Variants in FOXJ1 observed in about 807,000 individuals in gnomAD.
The protein encoded by FOXJ1 is forkhead box J1, also known as forkhead box protein J1.
A neutral mutation model predicts 29.3 loss-of-function variants in FOXJ1; 8 were observed. The ratio of observed to expected loss-of-function variants is 0.27; its 90% confidence interval spans 0.16 to 0.49. The LOEUF (loss-of-function observed/expected upper bound fraction) is 0.49, where lower values mean the gene tolerates loss of function less well. Ranked by LOEUF, FOXJ1 falls within the 20% of genes least tolerant of loss-of-function variation. The probability of loss-of-function intolerance (pLI) is 0.98; values close to 1 mark genes in which losing one functional copy is unlikely to be tolerated. For missense variants in FOXJ1, 539 were observed against 595.5 expected (o/e 0.91, Z 0.99); for synonymous variants, 280 against 278.7 (o/e 1.00, Z -0.05).
In FOXJ1 at chr17:76,137,546, G is replaced by A. The variant is rs761785819; in HGVS notation, c.1073C>T (p.Thr358Ile). ...AGCCTGCTCCACCGAAGGCCCCCAG[G>A]TGGCAGGGCAGTCGATGTGGCGGCC... ...IHGRHIDCPA[T>I]WGPSVEQAAD... The change falls in exon 3 of 3, where the codon ACC (threonine) becomes ATC (isoleucine). Residue 358 changes from threonine to isoleucine, a missense_variant. Physicochemically the swap from Thr to Ile is moderately conservative, Grantham distance 89. Transcript: ENST00000322957. This position sits in a 1 kb window ranked among gnomAD's most constrained non-coding sequence, Gnocchi z 9.5. The A allele has an allele frequency of 2.5e-6, 4 of 1,599,284 alleles. No homozygotes were observed. The highest frequency in any genetic ancestry group is 3.4e-6 in the Non-Finnish European group (4 of 1,173,098).
intron 2 of FOXJ1, among the ~76,000 whole-genome samples, chr17:76,138,591 C>A (rs1868823): frequency 0.29 from 43,310 of 151,480 alleles, 6,458 homozygotes; most frequent in African/African-American, 0.36. Flanking sequence ...AGAGAGAGAG[C>A]GCGCAGGGAT....
rs1391481941 is a variant in FOXJ1 at position 76,139,966 on chromosome 17, G to A, written c.430C>T (p.Leu144=). ...MQASKATKIT[L]SAIYKWITDN... ...GTGATCCACTTGTAGATGGCCGACA[G>A]GGTGATCTTGGTGGCCTTGCTGGCC... The change falls in exon 2 of 3, where the codon CTG becomes TTG. Residue 144 remains leucine (L), a synonymous_variant. Coordinates refer to ENST00000322957, the MANE Select transcript of FOXJ1 (RefSeq NM_001454.4). The surrounding 1 kb of genome is among the most constrained non-coding windows in gnomAD (Gnocchi z 6.6). 3 of 1,613,566 alleles carry A rather than the reference G, an allele frequency of 1.9e-6. No homozygotes were observed. Among genetic ancestry groups the A allele is most frequent in the African/African-American group, 2.7e-5 (2 of 74,932 alleles).
rs2068485842 is a variant in FOXJ1, at chr17:76,137,386, C to A, written c.1233G>T (p.Leu411=). 2.6e-6 allele frequency: 4 copies of A among 1,520,372 alleles called. No homozygotes were observed. The highest frequency in any genetic ancestry group is 1.4e-5 in the African/African-American group (1 of 72,708). 94.2% of individuals were successfully genotyped at this position (1,520,372 alleles called of 1,614,324 possible). The change falls in exon 3 of 3, where the codon CTG becomes CTT. Residue 411 remains leucine (L), a synonymous_variant. Coordinates refer to ENST00000322957, the MANE Select transcript of FOXJ1 (RefSeq NM_001454.4). The surrounding 1 kb of genome is among the most constrained non-coding windows in gnomAD (Gnocchi z 9.5). ...AGGCCCCCACGCTGGCCCAGTCCTG[C>A]AGGTCGGAGGCCAGGGTGGCATCCC... is the stretch of plus-strand genomic sequence containing the variant. ...EAGDATLASD[L]QDWASVGAFL
At chr17:76,138,595 C>A (rs2068495571) in intron 2 of FOXJ1, among the ~76,000 whole-genome samples, 1 of 151,958 alleles carries the variant, frequency 6.6e-6, no homozygotes, top group African/African-American at 2.4e-5. Flanking sequence ...AGAGAGCGCG[C>A]AGGGATGAGA....
chr17:76,137,546 G>T lies in FOXJ1; in HGVS notation c.1073C>A (p.Thr358Asn). ...AGCCTGCTCCACCGAAGGCCCCCAG[G>T]TGGCAGGGCAGTCGATGTGGCGGCC... ...IHGRHIDCPA[T>N]WGPSVEQAAD... Residue 358 changes from threonine (T) to asparagine (N), a missense_variant, in exon 3 of 3, where the codon ACC becomes AAC. Around this residue, in one of 3 missense-constraint regions of FOXJ1, gnomAD observed 302 missense variants for 293.6 expected, o/e 1.03. Transcript: ENST00000322957. The surrounding 1 kb of genome is among the most constrained non-coding windows in gnomAD (Gnocchi z 9.5). 3.1e-6 allele frequency: 5 copies of T among 1,599,284 alleles called. No individual in the cohort carries two copies. The highest frequency in any genetic ancestry group is 4.3e-6 in the Non-Finnish European group (5 of 1,173,098).
Position 76,137,829 on chromosome 17 carries a change from C to T in FOXJ1, c.790G>A (p.Gly264Ser). Residue 264 changes from glycine (G) to serine (S), a missense_variant, in exon 3 of 3, where the codon GGT (glycine) becomes AGT (serine). Gly to Ser is a moderately conservative substitution (Grantham distance 56). This residue lies in a region of FOXJ1 where 302 missense variants were observed against 293.6 expected (regional missense o/e 1.03). Coordinates refer to ENST00000322957, the MANE Select transcript of FOXJ1 (RefSeq NM_001454.4). This position sits in a 1 kb window ranked among gnomAD's most constrained non-coding sequence, Gnocchi z 9.5. ...TGCCCCAGCCTGCCCTCGCCTGCAC[C>T]CCAGCCCGCCTCCCCGGTGGCCTCC... is the stretch of plus-strand genomic sequence containing the variant. The part of the protein sequence containing the change: ...FEEATGEAGW[G>S]AGEGRLGHKR... The T allele has an allele frequency of 1.3e-6, 2 of 1,595,078 alleles. No homozygotes were observed. The highest frequency in any genetic ancestry group is 1.7e-6 in the Non-Finnish European group (2 of 1,171,330).
Position 76,140,250 on chromosome 17 carries a change from G to A in FOXJ1, c.146C>T (p.Ala49Val). The change falls in exon 2 of 3, where the codon GCC (alanine) becomes GTC (valine). Residue 49 changes from alanine to valine, a missense_variant. By Grantham distance (64) the Ala-to-Val change is moderately conservative (BLOSUM62 0). Coordinates refer to ENST00000322957, the MANE Select transcript of FOXJ1 (RefSeq NM_001454.4). This position sits in a 1 kb window ranked among gnomAD's most constrained non-coding sequence, Gnocchi z 8.0. ...GGTGCCCCCCGGGGGCAGGGCGGGG[G>A]CCTTGGCGTTGAGAATGGAGAATTC... ...LQEFSILNAK[A>V]PALPPGGTDP... 5 of 1,468,492 alleles carry A rather than the reference G, an allele frequency of 3.4e-6. No individual in the cohort carries two copies. In the South Asian group the frequency reaches 7.4e-5, roughly 22 times the overall value. 91.0% of individuals were successfully genotyped at this position (1,468,492 alleles called of 1,614,324 possible). A position where few individuals can be genotyped will look rare whatever the true frequency, so the allele number is the denominator to read the frequency against.
chr17:76,137,079 C>T lies in FOXJ1; in HGVS notation c.*274G>A. Reference sequence around the variant, plus strand: ...TGGTGCAGGGTCCTTTAGCCGGTTTCTGGGGCTGGGAAGACGCGGAGCAAT... The same window carrying T: ...TGGTGCAGGGTCCTTTAGCCGGTTTTTGGGGCTGGGAAGACGCGGAGCAAT... On this transcript the variant is annotated 3_prime_UTR_variant, in exon 3 of 3. Transcript: ENST00000322957. The surrounding 1 kb of genome is among the most constrained non-coding windows in gnomAD (Gnocchi z 9.5). The T allele has an allele frequency of 2.8e-6, 1 of 353,374 alleles. No homozygotes were observed. The highest frequency in any genetic ancestry group is 4.4e-5 in the East Asian group (1 of 22,864). The allele number at this position is 353,374 out of a possible 1,614,324, so 21.9% of individuals were successfully genotyped here.
Position 76,137,293 on chromosome 17 carries a change from G to T in FOXJ1, c.*60C>A. The T allele has an allele frequency of 7.3e-7, 1 of 1,369,146 alleles. No homozygotes were observed. Among genetic ancestry groups the T allele is most frequent in the Non-Finnish European group, 9.5e-7 (1 of 1,048,520 alleles). The allele number at this position is 1,369,146 out of a possible 1,614,324, so 84.8% of individuals were successfully genotyped here. A position where few individuals can be genotyped will look rare whatever the true frequency, so the allele number is the denominator to read the frequency against. ...GGTGGGGTGTCTGTGGACCTGTGTT[G>T]GGGGGCAGTTCTGGACCCTGACTTG... is the stretch of plus-strand genomic sequence containing the variant. On this transcript the variant is annotated 3_prime_UTR_variant, in exon 3 of 3. Coordinates refer to ENST00000322957, the MANE Select transcript of FOXJ1 (RefSeq NM_001454.4). The surrounding 1 kb of genome is among the most constrained non-coding windows in gnomAD (Gnocchi z 9.5).
At position 76,137,899 on chromosome 17, in the gene FOXJ1, C is replaced by A. The variant is rs563742776; in HGVS notation, c.720G>T (p.Pro240=). 2.0e-5 allele frequency: 32 copies of A among 1,563,154 alleles called. No individual in the cohort carries two copies. The Admixed American group carries it at 5.2e-4, about 26-fold the overall frequency. ...QEPSAVPRAG[P]LTVNTEAQQL... is the part of the protein sequence containing the mutation. ...GCTGGGCCTCGGTATTCACCGTCAG[C>A]GGCCCGGCCCGGGGGACAGCGCTGG... The change falls in exon 3 of 3, where the codon CCG becomes CCT. Residue 240 remains proline, a synonymous_variant. Coordinates refer to ENST00000322957, the MANE Select transcript of FOXJ1 (RefSeq NM_001454.4). This position sits in a 1 kb window ranked among gnomAD's most constrained non-coding sequence, Gnocchi z 9.5.
rs1403877344 is a variant in FOXJ1, at chr17:76,140,794, C to A, written c.-169-230G>T. The A allele has an allele frequency of 5.7e-6, 1 of 175,830 alleles. No individual in the cohort carries two copies. The highest frequency in any genetic ancestry group is 1.2e-5 in the Non-Finnish European group (1 of 84,180). 10.9% of individuals were successfully genotyped at this position (175,830 alleles called of 1,614,324 possible). On this transcript the variant is annotated intron_variant, in intron 1 of 2. Coordinates refer to ENST00000322957, the MANE Select transcript of FOXJ1 (RefSeq NM_001454.4). The surrounding 1 kb of genome is among the most constrained non-coding windows in gnomAD (Gnocchi z 8.0). ...ATGAAGAGGGTAGGGGCATCCGAGG[C>A]TATCCTTTTCTCCCGAAGAGCAGGA...
At position 76,140,687 on chromosome 17, in the gene FOXJ1, G is replaced by A; in HGVS notation, c.-169-123C>T. 2.6e-6 allele frequency: 1 copy of A among 386,780 alleles called. No individual in the cohort carries two copies. The highest frequency in any genetic ancestry group is 4.7e-5 in the Admixed American group (1 of 21,160). The allele number at this position is 386,780 out of a possible 1,614,324, so 24.0% of individuals were successfully genotyped here. On this transcript the variant is annotated intron_variant, in intron 1 of 2. Coordinates refer to ENST00000322957, the MANE Select transcript of FOXJ1 (RefSeq NM_001454.4). This position sits in a 1 kb window ranked among gnomAD's most constrained non-coding sequence, Gnocchi z 8.0. ...AGGATCTTTTAGTGCCGAGGTATGG[G>A]AAACAGAAGCAAGGCCCTGGGGTCC...
rs1410640073 is a variant in FOXJ1 at position 76,140,324 on chromosome 17, C to T, written c.72G>A (p.Glu24=). The change falls in exon 2 of 3, where the codon GAG becomes GAA. Residue 24 remains glutamate (E), a synonymous_variant. Transcript: ENST00000322957. This position sits in a 1 kb window ranked among gnomAD's most constrained non-coding sequence, Gnocchi z 8.0. ...GGCTGTCATCCAGGGCGTCGGGCTC[C>T]TCCAGGCCGCCCTCCGGCCCGGCCT... The part of the protein sequence containing the change: ...AEEAGPEGGL[E]EPDALDDSLT... 2.0e-6 allele frequency: 3 copies of T among 1,499,586 alleles called. No homozygotes were observed. Among genetic ancestry groups the T allele is most frequent in the African/African-American group, 1.5e-5 (1 of 68,558 alleles). The allele number at this position is 1,499,586 out of a possible 1,614,324, so 92.9% of individuals were successfully genotyped here. A position where few individuals can be genotyped will look rare whatever the true frequency, so the allele number is the denominator to read the frequency against.
chr17:76,140,322 T>C lies in FOXJ1; in HGVS notation c.74A>G (p.Glu25Gly). 6.7e-7 allele frequency: 1 copy of C among 1,494,422 alleles called. No homozygotes were observed. The highest frequency in any genetic ancestry group is 8.8e-7 in the Non-Finnish European group (1 of 1,131,576). The allele number at this position is 1,494,422 out of a possible 1,614,324, so 92.6% of individuals were successfully genotyped here. A position where few individuals can be genotyped will look rare whatever the true frequency, so the allele number is the denominator to read the frequency against. Residue 25 changes from glutamate to glycine, a missense_variant, in exon 2 of 3, where the codon GAG (glutamate) becomes GGG (glycine). By Grantham distance (98) the Glu-to-Gly change is moderately conservative. This residue lies in a region of FOXJ1 where 59 missense variants were observed against 47.5 expected (regional missense o/e 1.24). Coordinates refer to ENST00000322957, the MANE Select transcript of FOXJ1 (RefSeq NM_001454.4). This position sits in a 1 kb window ranked among gnomAD's most constrained non-coding sequence, Gnocchi z 8.0. ...CAGGCTGTCATCCAGGGCGTCGGGC[T>C]CCTCCAGGCCGCCCTCCGGCCCGGC... ...EEAGPEGGLE[E>G]PDALDDSLTS...
In FOXJ1 at chr17:76,137,502, C is replaced by G; in HGVS notation, c.1117G>C (p.Asp373His). The change falls in exon 3 of 3, where the codon GAT becomes CAT. Residue 373 changes from aspartate to histidine, a missense_variant. Around this residue, in one of 3 missense-constraint regions of FOXJ1, gnomAD observed 302 missense variants for 293.6 expected, o/e 1.03. Transcript: ENST00000322957. The surrounding 1 kb of genome is among the most constrained non-coding windows in gnomAD (Gnocchi z 9.5). ...VEQAADSLDF[D>H]ETFLATSFLQ... The stretch of plus-strand genomic sequence containing the variant: ...AAGGATGTGGCCAGGAAGGTCTCAT[C>G]GAAGTCCAGGCTGTCGGCAGCCTGC... 1 of 1,586,122 alleles carries G rather than the reference C, an allele frequency of 6.3e-7. No individual in the cohort carries two copies. Among genetic ancestry groups the G allele is most frequent in the African/African-American group, 1.3e-5 (1 of 74,524 alleles).
chr17:76,137,951 G>C lies in FOXJ1; in HGVS notation c.668C>G (p.Ala223Gly). Residue 223 changes from alanine to glycine, a missense_variant, in exon 3 of 3, where the codon GCC becomes GGC. Physicochemically the swap from Ala to Gly is moderately conservative, Grantham distance 60 (BLOSUM62 0). This residue lies in a region of FOXJ1 where 302 missense variants were observed against 293.6 expected (regional missense o/e 1.03). Coordinates refer to ENST00000322957, the MANE Select transcript of FOXJ1 (RefSeq NM_001454.4). The surrounding 1 kb of genome is among the most constrained non-coding windows in gnomAD (Gnocchi z 9.5). Reference sequence around the variant, plus strand: ...CTCCTGCGCGGCCTGGCGGGCAAAGGCTGGGTGGATGTGGACAGGGGGCAG... The same window carrying C: ...CTCCTGCGCGGCCTGGCGGGCAAAGCCTGGGTGGATGTGGACAGGGGGCAG... ...RRLPPVHIHP[A>G]FARQAAQEPS... 6.3e-7 allele frequency: 1 copy of C among 1,588,068 alleles called. No homozygotes were observed. Among genetic ancestry groups the C allele is most frequent in the Non-Finnish European group, 8.6e-7 (1 of 1,167,246 alleles).
At position 76,137,440 on chromosome 17, in the gene FOXJ1, G is replaced by A; in HGVS notation, c.1179C>T (p.Cys393=). The change falls in exon 3 of 3, where the codon TGC becomes TGT. Residue 393 remains cysteine, a synonymous_variant. Coordinates refer to ENST00000322957, the MANE Select transcript of FOXJ1 (RefSeq NM_001454.4). This position sits in a 1 kb window ranked among gnomAD's most constrained non-coding sequence, Gnocchi z 9.5. ...CCTCAAAGAGGGGCTCCGGGGGCAG[G>A]CAGCCACTGCCGCTCTCGTCCCAGG... ...QHPWDESGSG[C]LPPEPLFEAG... 6.5e-7 allele frequency: 1 copy of A among 1,548,550 alleles called. No individual in the cohort carries two copies. The highest frequency in any genetic ancestry group is 1.4e-5 in the African/African-American group (1 of 73,540).
Position 76,140,348 on chromosome 17 carries a change from C to A in FOXJ1, c.48G>T (p.Glu16Asp). Residue 16 changes from glutamate (E) to aspartate (D), a missense_variant, in exon 2 of 3, where the codon GAG becomes GAT. Physicochemically the swap from Glu to Asp is conservative, Grantham distance 45. Coordinates refer to ENST00000322957, the MANE Select transcript of FOXJ1 (RefSeq NM_001454.4). The surrounding 1 kb of genome is among the most constrained non-coding windows in gnomAD (Gnocchi z 8.0). The part of the protein sequence containing the change: ...LRLSGAGPAE[E>D]AGPEGGLEEP... ...CCTCCAGGCCGCCCTCCGGCCCGGC[C>A]TCCTCCGCCGGCCCGGCTCCCGAGA... is the stretch of plus-strand genomic sequence containing the variant. 6.7e-7 allele frequency: 1 copy of A among 1,498,274 alleles called. No individual in the cohort carries two copies. Among genetic ancestry groups the A allele is most frequent in the Non-Finnish European group, 8.8e-7 (1 of 1,130,314 alleles). The allele number at this position is 1,498,274 out of a possible 1,614,324, so 92.8% of individuals were successfully genotyped here. A position where few individuals can be genotyped will look rare whatever the true frequency, so the allele number is the denominator to read the frequency against.
Position 76,137,371 on chromosome 17 carries a change from G to A in FOXJ1, c.1248C>T (p.Ser416=), listed in dbSNP as rs1384873951. The part of the protein sequence containing the change: ...TLASDLQDWA[S]VGAFL Reference sequence around the variant, plus strand: ...TGGCCTCTTACAAGAAGGCCCCCACGCTGGCCCAGTCCTGCAGGTCGGAGG... The same window carrying A: ...TGGCCTCTTACAAGAAGGCCCCCACACTGGCCCAGTCCTGCAGGTCGGAGG... Residue 416 remains serine (S), a synonymous_variant, in exon 3 of 3, where the codon AGC becomes AGT. Transcript: ENST00000322957. The surrounding 1 kb of genome is among the most constrained non-coding windows in gnomAD (Gnocchi z 9.5). The A allele has an allele frequency of 8.0e-6, 12 of 1,503,546 alleles. No individual in the cohort carries two copies. The highest frequency in any genetic ancestry group is 1.3e-5 in the South Asian group (1 of 79,194). The allele number at this position is 1,503,546 out of a possible 1,614,324, so 93.1% of individuals were successfully genotyped here. A position where few individuals can be genotyped will look rare whatever the true frequency, so the allele number is the denominator to read the frequency against.
Sources: gnomAD v4.1 joint callset for allele counts (sites outside exome capture counted in the v4.1 genomes callset) on GRCh38, gnomAD v4.1.1 for gene constraint, gnomAD v4.1.1 regional missense constraint, Gnocchi (gnomAD v3.1) non-coding constraint, MANE v1.5 for transcripts, NCBI Gene and HGNC (gene_info 2026-07-23, HGNC 2026-07-21) for gene names.